The following AKAP6 variants were observed in gnomAD, a reference collection of about 807,000 sequenced individuals.
The protein encoded by AKAP6 is A-kinase anchor protein 6.
In AKAP6, 58 loss-of-function variants were observed where a neutral mutation model predicts 188.5. The ratio of observed to expected loss-of-function variants is 0.31; its 90% CI spans 0.25 to 0.38. AKAP6 has a LOEUF of 0.38. Among genes scored for constraint, AKAP6 ranks in the 10% least tolerant of loss-of-function variants. AKAP6 has a pLI of 1.00. For synonymous variants in AKAP6, 989 were observed against 998.6 expected (o/e 0.99, Z 0.18); for missense variants, 2,710 against 2,740.0 (o/e 0.99, Z 0.24).
chr14:32,397,066 A>G (rs559527573), intron 1 of AKAP6, among the ~76,000 whole-genome samples: 37 of 152,324 alleles, frequency 2.4e-4, no homozygotes, highest in African/African-American at 7.7e-4. Flanking sequence ...TTATTGAAAC[A>G]CAAATTTCTG....
chr14:32,590,977 C>G (rs1203208574), intron 5 of AKAP6, among the ~76,000 whole-genome samples: 3 of 152,150 alleles, frequency 2.0e-5, no homozygotes, highest in Non-Finnish European at 2.9e-5. Context: ...GGCTGCCAAA[C>G]AAATTTTTAA....
intron 1 of AKAP6, among the ~76,000 whole-genome samples, chr14:32,406,418 C>T (rs1173932846): frequency 6.6e-6 from 1 of 152,076 alleles, no homozygotes; most frequent in East Asian, 1.9e-4. Flanking sequence ...CTATGTTGGC[C>T]AGGCTGGTCT....
intron 6 of AKAP6, 122 bp from the exon 7 acceptor site, chr14:32,600,507 T>C: frequency 9.1e-7 from 1 of 1,098,358 alleles, no homozygotes; most frequent in East Asian, 2.7e-5. Context: ...TGGCAGGTGA[T>C]GGTAATGGTC....
intron 1 of AKAP6, among the ~76,000 whole-genome samples, chr14:32,366,218 A>G (rs1335781980): frequency 6.6e-6 from 1 of 152,046 alleles, no homozygotes; most frequent in Non-Finnish European, 1.5e-5. Flanking sequence ...TCCCCTGTTC[A>G]TCCTGTCGCT....
chr14:32,826,135 G>T (rs931131810), intron 13 of AKAP6, among the ~76,000 whole-genome samples: 1 of 151,950 alleles, frequency 6.6e-6, no homozygotes, highest in African/African-American at 2.4e-5. Context: ...TAAAATGTGT[G>T]ATTCTGTGTA....
chr14:32,603,781 A>G (rs1054532965), intron 7 of AKAP6, among the ~76,000 whole-genome samples: 1 of 152,224 alleles, frequency 6.6e-6, no homozygotes, highest in Non-Finnish European at 1.5e-5. Context: ...ATGAAATGTT[A>G]TGGTTACATA....
intron 9 of AKAP6, among the ~76,000 whole-genome samples, chr14:32,705,034 T>C (rs956925130): frequency 7.2e-5 from 11 of 152,206 alleles, no homozygotes; most frequent in African/African-American, 2.7e-4. Context: ...GGGAAAAGTT[T>C]TCCCATAGTG....
At chr14:32,491,114 T>G (rs1430083116) in intron 2 of AKAP6, among the ~76,000 whole-genome samples, 1 of 152,190 alleles carries the variant, frequency 6.6e-6, no homozygotes, top group East Asian at 1.9e-4. Flanking sequence ...TCTCAAAAGC[T>G]GGGCAGAATC....
chr14:32,367,872 T>C (rs1887882541), intron 1 of AKAP6, among the ~76,000 whole-genome samples: 1 of 152,222 alleles, frequency 6.6e-6, no homozygotes, highest in South Asian at 2.1e-4. Context: ...ATAGTCCAGC[T>C]TTACATCTCC....
Position 32,577,564 on chromosome 14 carries a change from A to AT in AKAP6, c.2469+323dup, listed in dbSNP as rs1428642834. ...TTTTCCCTTTCTTAAAAACAAATAA[A>AT]TGAAAGAGATGATTTTGATGACCAT... On this transcript the variant is annotated intron_variant, in intron 5 of 13. Coordinates refer to ENST00000280979, the MANE Select transcript of AKAP6 (RefSeq NM_004274.5). Among the ~76,000 whole-genome samples, 11 of 149,324 alleles carry AT rather than the reference A, an allele frequency of 7.4e-5. No homozygotes were observed. The South Asian group carries it at 2.3e-3, about 31-fold the overall frequency.
chr14:32,528,743 T>G (rs546975929), intron 2 of AKAP6, among the ~76,000 whole-genome samples: 1 of 152,148 alleles, frequency 6.6e-6, no homozygotes, highest in Non-Finnish European at 1.5e-5. Flanking sequence ...AATGGCGTGA[T>G]CTCGGCTCAC....
chr14:32,710,172 A>C (rs1202527609), intron 9 of AKAP6, among the ~76,000 whole-genome samples: 1 of 145,618 alleles, frequency 6.9e-6, no homozygotes, highest in African/African-American at 2.6e-5. Flanking sequence ...TAAAAAGAAA[A>C]AGAACATGAC....
rs188839843 is a variant in AKAP6, at chr14:32,358,162, T to G, written c.-35+28754T>G. On this transcript the variant is annotated intron_variant, in intron 1 of 13. Transcript: ENST00000280979. Reference sequence around the variant, plus strand: ...AAGCCTCAAGGGTTCTGAAACATCATGTGCATTAACTATGGCTCCACAGAG... The same window carrying G: ...AAGCCTCAAGGGTTCTGAAACATCAGGTGCATTAACTATGGCTCCACAGAG... Among the ~76,000 whole-genome samples the G allele has an allele frequency of 4.0e-3, 608 of 152,334 alleles. 1 individual carries two copies. Among genetic ancestry groups the G allele is most frequent in the Non-Finnish European group, 6.4e-3 (438 of 68,026 alleles).
intron 7 of AKAP6, among the ~76,000 whole-genome samples, chr14:32,664,476 A>G (rs1055355839): frequency 2.0e-5 from 3 of 152,106 alleles, no homozygotes; most frequent in Admixed American, 6.6e-5. Context: ...TTTGAGTTTT[A>G]ATTTAGGTTC....
Position 32,512,532 on chromosome 14 carries a change from C to T in AKAP6, c.325-23022C>T, listed in dbSNP as rs537915427. 1.1e-4 allele frequency among the ~76,000 whole-genome samples: 17 copies of T among 152,242 alleles called. No individual in the cohort carries two copies. The East Asian group carries it at 1.3e-3, about 12-fold the overall frequency. ...GGATTATTTGAATGAACCCTTCATC[C>T]TCCATTTTGGTGTGACATTGGGACA... On this transcript the variant is annotated intron_variant, in intron 2 of 13. Coordinates refer to ENST00000280979, the MANE Select transcript of AKAP6 (RefSeq NM_004274.5).
intron 9 of AKAP6, chr14:32,718,198 T>C: frequency 5.2e-6 from 4 of 775,880 alleles, no homozygotes; most frequent in Non-Finnish European, 6.3e-6. Flanking sequence ...TATCAATTTT[T>C]TATCTGTAAG....
intron 2 of AKAP6, among the ~76,000 whole-genome samples, chr14:32,535,152 G>A (rs1882616110): frequency 6.6e-6 from 1 of 152,148 alleles, no homozygotes; most frequent in African/African-American, 2.4e-5. Flanking sequence ...TCTAGGTGAT[G>A]TTTCTAACCT....
At chr14:32,782,095 G>A (rs1045706430) in intron 12 of AKAP6, among the ~76,000 whole-genome samples, 1 of 150,950 alleles carries the variant, frequency 6.6e-6, no homozygotes, top group African/African-American at 2.4e-5. Context: ...AACCTGGGTG[G>A]TGGAGGTTGC....
chr14:32,509,469 A>C (rs1473857241), intron 2 of AKAP6, among the ~76,000 whole-genome samples: 5 of 151,966 alleles, frequency 3.3e-5, no homozygotes, highest in African/African-American at 1.2e-4. Flanking sequence ...GTCTGTTATT[A>C]GTTTTTTGTC....
Sources: gnomAD v4.1 joint callset for allele counts (sites outside exome capture counted in the v4.1 genomes callset) on GRCh38, gnomAD v4.1.1 for gene constraint, MANE v1.5 for transcripts, NCBI Gene and HGNC (gene_info 2026-07-23, HGNC 2026-07-21) for gene names.